GIT2: variants seen among roughly 807,000 people sequenced by gnomAD.
The protein encoded by GIT2 is ARF GTPase-activating protein GIT2.
Under a neutral mutation model 100.3 loss-of-function variants are expected in GIT2, and 32 were observed. That is an observed-to-expected ratio of 0.32 (90% confidence interval 0.24 to 0.43). The LOEUF (loss-of-function observed/expected upper bound fraction) is 0.43, where lower values mean the gene tolerates loss of function less well. GIT2 is among the 20% of genes least tolerant of loss of function. The pLI is 1.00. For missense variants in GIT2, 737 were observed against 975.1 expected (o/e 0.76, Z 3.25); for synonymous variants, 353 against 364.1 (o/e 0.97, Z 0.35).
At chr12:109,967,430 AAACT>A (rs775921725) in intron 8 of GIT2, 24 bp downstream of exon 8, 7 of 1,546,958 alleles carry the variant, frequency 4.5e-6, no homozygotes, top group South Asian at 2.2e-5. Flanking sequence ...GCGATAGACA[AAACT>A]AACTGGTATT....
chr12:109,951,610 CTTG>C (rs1565952282), intron 13 of GIT2, among the ~76,000 whole-genome samples: 1 of 152,208 alleles, frequency 6.6e-6, no homozygotes, highest in Non-Finnish European at 1.5e-5. Context: ...CTCGTTCACT[CTTG>C]TTTTGTTTTT....
chr12:109,987,369 G>A (rs930013254), intron 4 of GIT2, among the ~76,000 whole-genome samples: 13 of 151,832 alleles, frequency 8.6e-5, no homozygotes, highest in African/African-American at 3.1e-4. Context: ...GGGCGACTGA[G>A]CAAGACTCTA....
intron 12 of GIT2, among the ~76,000 whole-genome samples, chr12:109,957,652 G>A (rs376196910): frequency 1.3e-3 from 195 of 150,076 alleles, no homozygotes; most frequent in African/African-American, 4.0e-3. Context: ...GACCACAGGC[G>A]TCTGCCACCA....
At chr12:109,999,444 G>C, upstream of GIT2, 1 of 225,734 alleles carries the variant, frequency 4.4e-6, no homozygotes, top group African/African-American at 2.3e-5. This position sits in a 1 kb window ranked among gnomAD's most constrained non-coding sequence, Gnocchi z 4.3. Flanking sequence ...GTCTGTCCGC[G>C]AGCTGTCAGC....
intron 4 of GIT2, chr12:109,983,897 T>C (rs1454984895): frequency 5.7e-6 from 3 of 522,670 alleles, no homozygotes; most frequent in Non-Finnish European, 1.0e-5. Context: ...ACTTTACTGA[T>C]AAGGAAACTA....
upstream of GIT2, chr12:109,999,541 C>T: frequency 2.0e-6 from 1 of 492,976 alleles, no homozygotes; most frequent in Middle Eastern, 6.0e-4. This position sits in a 1 kb window ranked among gnomAD's most constrained non-coding sequence, Gnocchi z 4.3. Context: ...CCGCGCGCCC[C>T]GCACCCGACC....
chr12:109,969,159 T>C (rs928375021), intron 7 of GIT2, among the ~76,000 whole-genome samples: 1 of 143,598 alleles, frequency 7.0e-6, no homozygotes, highest in Admixed American at 7.8e-5. Flanking sequence ...AACAAAACTT[T>C]TCCTTTTTTT....
intron 9 of GIT2, among the ~76,000 whole-genome samples, chr12:109,964,213 A>G (rs1242093277): frequency 6.6e-6 from 1 of 152,188 alleles, no homozygotes; most frequent in Non-Finnish European, 1.5e-5. Context: ...TATCATCTTG[A>G]TCATCTTAGT....
At chr12:109,949,221 G>A (rs540534142) in intron 14 of GIT2, among the ~76,000 whole-genome samples, 68 of 152,332 alleles carry the variant, frequency 4.5e-4, no homozygotes, top group African/African-American at 1.6e-3. Flanking sequence ...AGTGCCTGTT[G>A]AAACTATTCA....
At chr12:109,980,448 C>T (rs1886097944) in intron 7 of GIT2, among the ~76,000 whole-genome samples, 1 of 152,162 alleles carries the variant, frequency 6.6e-6, no homozygotes, top group South Asian at 2.1e-4. Flanking sequence ...GGCTGAAGTG[C>T]AGTGGCACGA....
chr12:109,978,470 C>T (rs903156761), intron 7 of GIT2, among the ~76,000 whole-genome samples: 4 of 152,280 alleles, frequency 2.6e-5, no homozygotes, highest in South Asian at 4.1e-4. Context: ...GGGAATCCAA[C>T]GACATAAATG....
intron 4 of GIT2, among the ~76,000 whole-genome samples, chr12:109,986,357 C>A (rs1487185204): frequency 6.6e-6 from 1 of 152,192 alleles, no homozygotes; most frequent in Non-Finnish European, 1.5e-5. Flanking sequence ...CATGGCTGGG[C>A]GCAGTGGCTC....
chr12:109,981,015 G>A lies in GIT2; in HGVS notation c.655C>T (p.Leu219Phe). The A allele has an allele frequency of 6.2e-7, 1 of 1,613,110 alleles. No individual in the cohort carries two copies. The highest frequency in any genetic ancestry group is 8.5e-7 in the Non-Finnish European group (1 of 1,179,100). Residue 219 changes from leucine to phenylalanine, a missense_variant, in exon 7 of 20, where the codon CTC becomes TTC. Around this residue, in one of 3 missense-constraint regions of GIT2, gnomAD observed 266 missense variants for 376.2 expected, o/e 0.71. Coordinates refer to ENST00000355312, the MANE Select transcript of GIT2 (RefSeq NM_057169.5). ...QGGHHELAER[L>F]VEIQYELTDR... ...GTTAGCTCATACTGTATTTCCACGAGGCGCTCTGCCAGCTCATGGTGCCCT... is the reference window on the plus strand; with the variant it reads ...GTTAGCTCATACTGTATTTCCACGAAGCGCTCTGCCAGCTCATGGTGCCCT...
At chr12:109,967,081 T>C (rs893619144) in intron 8 of GIT2, among the ~76,000 whole-genome samples, 15 of 152,242 alleles carry the variant, frequency 9.9e-5, no homozygotes, top group African/African-American at 3.6e-4. Flanking sequence ...GCGGCCATAT[T>C]ACCCACAAAG....
intron 7 of GIT2, among the ~76,000 whole-genome samples, chr12:109,976,476 G>A (rs555074240): frequency 1.3e-5 from 2 of 151,750 alleles, no homozygotes; most frequent in East Asian, 1.9e-4. Flanking sequence ...AGTAGAGACG[G>A]GGTTTCATCG....
intron 7 of GIT2, among the ~76,000 whole-genome samples, chr12:109,979,281 T>C (rs1885794055): frequency 7.2e-6 from 1 of 139,048 alleles, no homozygotes; most frequent in African/African-American, 2.9e-5. Flanking sequence ...GCTTTTTTTT[T>C]TTTTTTTTTT....
At chr12:109,993,413 G>A (rs919582878) in intron 1 of GIT2, among the ~76,000 whole-genome samples, 6 of 152,166 alleles carry the variant, frequency 3.9e-5, no homozygotes, top group Admixed American at 1.3e-4. Flanking sequence ...ATAATGAAAA[G>A]TTATGGGCTT....
rs1032951239 is a variant in GIT2, at chr12:109,931,699, A to G, written c.*1279T>C. On this transcript the variant is annotated 3_prime_UTR_variant, in exon 20 of 20. Coordinates refer to ENST00000355312, the MANE Select transcript of GIT2 (RefSeq NM_057169.5). The stretch of plus-strand genomic sequence containing the variant: ...TCACCGGCCCTAGGCCAGGGTCTGA[A>G]CCACACACACAGAATGGCTGCAGTA... 6.6e-6 allele frequency: 1 copy of G among 152,300 alleles called. No homozygotes were observed. Among genetic ancestry groups the G allele is most frequent in the Admixed American group, 6.5e-5 (1 of 15,288 alleles). 9.4% of individuals were successfully genotyped at this position (152,300 alleles called of 1,614,324 possible). A position where few individuals can be genotyped will look rare whatever the true frequency, so the allele number is the denominator to read the frequency against.
At position 109,994,481 on chromosome 12, in the gene GIT2, C is replaced by T. The variant is rs139411284; in HGVS notation, c.52+1692G>A. On this transcript the variant is annotated intron_variant, in intron 1 of 19. Transcript: ENST00000355312. ...CCTACAGGTAATTCTCTCAGTAGGG[C>T]TGTGCAGAAAAGGCAGCACAAATTC... Among the ~76,000 whole-genome samples the T allele has an allele frequency of 1.5e-3, 225 of 152,290 alleles. 2 individuals carry two copies. The highest frequency in any genetic ancestry group is 2.8e-3 in the Non-Finnish European group (192 of 68,022).
Sources: allele counts gnomAD v4.1 joint callset (sites outside exome capture counted in the v4.1 genomes callset), GRCh38; gene constraint gnomAD v4.1.1; regional missense constraint gnomAD v4.1.1; non-coding constraint Gnocchi (gnomAD v3.1); transcripts MANE v1.5; gene names NCBI Gene and HGNC (gene_info 2026-07-23, HGNC 2026-07-21).